Variants in PAK2 observed in about 807,000 individuals in gnomAD.
PAK2 encodes the protein serine/threonine-protein kinase PAK 2.
In PAK2, 21 loss-of-function variants were observed where a neutral mutation model predicts 65.9. The observed-to-expected ratio is 0.32, with a 90% CI of 0.23 to 0.46. The LOEUF is 0.46. Ranked by LOEUF, PAK2 falls within the 20% of genes least tolerant of loss-of-function variation. The pLI is 1.00. For missense variants in PAK2, 324 were observed against 642.6 expected (o/e 0.50, Z 5.36); for synonymous variants, 204 against 219.7 (o/e 0.93, Z 0.63).
intron 1 of PAK2, among the ~76,000 whole-genome samples, chr3:196,755,079 A>G (rs867402458): frequency 6.6e-6 from 1 of 152,192 alleles, no homozygotes; most frequent in South Asian, 2.1e-4. Flanking sequence ...AAATCCTTCA[A>G]AGATCTCATA....
In PAK2 at chr3:196,740,049, TCCCTCCCCTC is replaced by T. The variant is rs1307156775; in HGVS notation, c.-121_-112del. The T allele has an allele frequency of 6.6e-6, 1 of 150,716 alleles. No individual in the cohort carries two copies. Among genetic ancestry groups the T allele is most frequent in the African/African-American group, 2.4e-5 (1 of 40,874 alleles). 9.3% of individuals were successfully genotyped at this position (150,716 alleles called of 1,614,324 possible). A position where few individuals can be genotyped will look rare whatever the true frequency, so the allele number is the denominator to read the frequency against. On this transcript the variant is annotated 5_prime_UTR_variant, in exon 1 of 15. Coordinates refer to ENST00000327134, the MANE Select transcript of PAK2 (RefSeq NM_002577.4). ...CGTCTCTTCCCGCCCCGCTTCCCCT[TCCCTCCCCTC>T]CCCTCCCCGCACCGCGCGCTAGCCC...
At chr3:196,751,886 GCGCA>G (rs1713615452) in intron 1 of PAK2, among the ~76,000 whole-genome samples, 1 of 150,414 alleles carries the variant, frequency 6.6e-6, no homozygotes. Flanking sequence ...GGGATTACAG[GCGCA>G]TGCCACCACT....
intron 11 of PAK2, among the ~76,000 whole-genome samples, chr3:196,815,614 C>T: frequency 6.6e-6 from 1 of 151,878 alleles, no homozygotes; most frequent in East Asian, 1.9e-4. Flanking sequence ...CGGTGAAACC[C>T]CGTCTCTACT....
intron 1 of PAK2, among the ~76,000 whole-genome samples, chr3:196,769,172 C>T (rs559908258): frequency 6.6e-6 from 1 of 151,784 alleles, no homozygotes; most frequent in African/African-American, 2.4e-5. Flanking sequence ...ACAGAAAATA[C>T]AAAAATTAGC....
At chr3:196,744,851 C>T (rs1233366344) in intron 1 of PAK2, among the ~76,000 whole-genome samples, 2 of 151,980 alleles carry the variant, frequency 1.3e-5, no homozygotes, top group African/African-American at 4.8e-5. Flanking sequence ...TGAACTTATA[C>T]GTATGTCTTT....
In PAK2 at chr3:196,832,514, T is replaced by A. The variant is rs1414327219; in HGVS notation, c.*4109T>A. 2.6e-5 allele frequency: 4 copies of A among 152,164 alleles called. No individual in the cohort carries two copies. Among genetic ancestry groups the A allele is most frequent in the African/African-American group, 7.2e-5 (3 of 41,462 alleles). 9.4% of individuals were successfully genotyped at this position (152,164 alleles called of 1,614,324 possible). On this transcript the variant is annotated 3_prime_UTR_variant, in exon 15 of 15. Transcript: ENST00000327134. ...GTGTGCATTTTTCCCTTTCCTAAAC[T>A]TTTATTCTTTCTTTTGATCAGCGTA...
intron 1 of PAK2, among the ~76,000 whole-genome samples, chr3:196,744,346 T>A (rs1317072542): frequency 6.6e-6 from 1 of 152,188 alleles, no homozygotes; most frequent in African/African-American, 2.4e-5. Flanking sequence ...TGTTCCTTAT[T>A]TTAAATTTAA....
chr3:196,754,321 C>G (rs1713701371), intron 1 of PAK2, among the ~76,000 whole-genome samples: 1 of 152,088 alleles, frequency 6.6e-6, no homozygotes, highest in Non-Finnish European at 1.5e-5. Context: ...GCCTACTTAC[C>G]ATTGAACAGT....
At chr3:196,755,913 G>T (rs1425565749) in intron 1 of PAK2, among the ~76,000 whole-genome samples, 3 of 152,232 alleles carry the variant, frequency 2.0e-5, no homozygotes, top group Admixed American at 1.3e-4. Flanking sequence ...GCACCACCAT[G>T]CCTGGCTAAT....
intron 1 of PAK2, among the ~76,000 whole-genome samples, chr3:196,759,001 A>T (rs1343964236): frequency 6.6e-6 from 1 of 152,152 alleles, no homozygotes; most frequent in Non-Finnish European, 1.5e-5. Context: ...ACACATTTTT[A>T]TTCTCGTATT....
At chr3:196,762,944 T>C (rs1247607360) in intron 1 of PAK2, among the ~76,000 whole-genome samples, 1 of 152,054 alleles carries the variant, frequency 6.6e-6, no homozygotes, top group African/African-American at 2.4e-5. Context: ...AAAAACATAA[T>C]TGACTGACTA....
chr3:196,825,492 A>G (rs2108776950), intron 13 of PAK2, among the ~76,000 whole-genome samples: 3 of 151,790 alleles, frequency 2.0e-5, no homozygotes, highest in Admixed American at 2.0e-4. Context: ...AAATACAAAA[A>G]ATTAGCCGGG....
intron 2 of PAK2, among the ~76,000 whole-genome samples, chr3:196,792,019 G>C (rs1460480259): frequency 6.6e-6 from 1 of 152,194 alleles, no homozygotes; most frequent in African/African-American, 2.4e-5. Flanking sequence ...GTCTGGCTTA[G>C]CTGCTCAGGT....
At position 196,774,766 on chromosome 3, in the gene PAK2, C is replaced by A. The variant is rs147548887; in HGVS notation, c.-21-7860C>A. Among the ~76,000 whole-genome samples the A allele has an allele frequency of 3.9e-5, 6 of 152,202 alleles. No homozygotes were observed. The East Asian group carries it at 1.2e-3, about 29-fold the overall frequency. ...CCAGGGAGAGTCATAGCACTTGTTA[C>A]CTTTAGTCAACTTCTGCATGATAAT... On this transcript the variant is annotated intron_variant, in intron 1 of 14. Transcript: ENST00000327134.
intron 2 of PAK2, 85 bp downstream of exon 2, chr3:196,782,918 A>G: frequency 1.3e-6 from 1 of 765,606 alleles, no homozygotes; most frequent in South Asian, 2.2e-5. Flanking sequence ...TGGTGAGAAC[A>G]TTAAAACAGA....
At position 196,820,991 on chromosome 3, in the gene PAK2, C is replaced by T. The variant is rs887634774; in HGVS notation, c.1350+424C>T. On this transcript the variant is annotated intron_variant, in intron 13 of 14. Transcript: ENST00000327134. The surrounding 1 kb of genome is among the most constrained non-coding windows in gnomAD (Gnocchi z 4.6). ...AGTAGCTGGGACTATGGGTGCGTGC[C>T]ACCACACCCAGCTGATTTTTGTACT... 6.6e-6 allele frequency among the ~76,000 whole-genome samples: 1 copy of T among 152,012 alleles called. No homozygotes were observed. Among genetic ancestry groups the T allele is most frequent in the Admixed American group, 6.6e-5 (1 of 15,240 alleles).
At chr3:196,742,868 C>T (rs534343598) in intron 1 of PAK2, among the ~76,000 whole-genome samples, 27 of 152,248 alleles carry the variant, frequency 1.8e-4, no homozygotes, top group African/African-American at 6.3e-4. Flanking sequence ...TGCAGTGAGT[C>T]GAGATCGCGC....
At chr3:196,786,470 C>CT (rs548308782) in intron 2 of PAK2, among the ~76,000 whole-genome samples, 14 of 152,024 alleles carry the variant, frequency 9.2e-5, no homozygotes, top group Non-Finnish European at 1.6e-4. Context: ...TTCAATTTCT[C>CT]TTTTTTGTGG....
chr3:196,814,173 G>C (rs550826884), intron 10 of PAK2, among the ~76,000 whole-genome samples: 1 of 152,030 alleles, frequency 6.6e-6, no homozygotes, highest in African/African-American at 2.4e-5. Flanking sequence ...AACAGGACTA[G>C]TAATTTCTAT....
Sources: gnomAD v4.1 joint callset for allele counts (sites outside exome capture counted in the v4.1 genomes callset) on GRCh38, gnomAD v4.1.1 for gene constraint, Gnocchi (gnomAD v3.1) non-coding constraint, MANE v1.5 for transcripts, NCBI Gene and HGNC (gene_info 2026-07-23, HGNC 2026-07-21) for gene names.